MSRA: variants seen among roughly 807,000 people sequenced by gnomAD.
The protein encoded by MSRA is mitochondrial peptide methionine sulfoxide reductase.
MSRA carries 54 observed loss-of-function variants against 31.3 expected under a neutral mutation model. That is an observed-to-expected ratio of 1.73 (90% CI 1.39 to 2.17). The LOEUF (loss-of-function observed/expected upper bound fraction) is 2.17, where lower values mean the gene tolerates loss of function less well. Among genes scored for constraint, MSRA ranks in the 30% most tolerant of loss-of-function variants. The pLI, the probability that MSRA is intolerant of heterozygous loss-of-function variation, is 0.00. For synonymous variants in MSRA, 169 were observed against 116.5 expected (o/e 1.45, Z -2.90); for missense variants, 507 against 300.9 (o/e 1.69, Z -5.07).
intron 4 of MSRA, among the ~76,000 whole-genome samples, chr8:10,306,566 T>C (rs1432114019): frequency 6.6e-6 from 1 of 152,068 alleles, no homozygotes; most frequent in Non-Finnish European, 1.5e-5. Context: ...TCTGGGACCT[T>C]GCTGGTGCTG....
At chr8:10,089,416 G>C (rs1317348598) in intron 1 of MSRA, among the ~76,000 whole-genome samples, 1 of 152,152 alleles carries the variant, frequency 6.6e-6, no homozygotes, top group Non-Finnish European at 1.5e-5. Context: ...AGTAAATCAG[G>C]TAAACAGTAA....
At chr8:10,248,673 A>G (rs960871057) in intron 3 of MSRA, among the ~76,000 whole-genome samples, 3 of 152,208 alleles carry the variant, frequency 2.0e-5, no homozygotes, top group African/African-American at 7.2e-5. Flanking sequence ...AGTGACTCTG[A>G]ACCCCAAATC....
intron 1 of MSRA, among the ~76,000 whole-genome samples, chr8:10,079,858 C>A (rs868491759): frequency 1.3e-5 from 2 of 152,304 alleles, no homozygotes; most frequent in Middle Eastern, 3.4e-3. Context: ...TGCTGTGCAG[C>A]TTTGAGCTAT....
At position 10,171,005 on chromosome 8, in the gene MSRA, C is replaced by A. The variant is rs1478729024; in HGVS notation, c.143-36828C>A. On this transcript the variant is annotated intron_variant, in intron 1 of 5. Coordinates refer to ENST00000317173, the MANE Select transcript of MSRA (RefSeq NM_012331.5). Reference sequence around the variant, plus strand: ...TGGATATCTTCCCCTAGCTCTTGATCCGAGGGGAAAGCAGTCAGTTTTTCA... The same window carrying A: ...TGGATATCTTCCCCTAGCTCTTGATACGAGGGGAAAGCAGTCAGTTTTTCA... 2.6e-5 allele frequency among the ~76,000 whole-genome samples: 4 copies of A among 152,190 alleles called. No individual in the cohort carries two copies. In the East Asian group the frequency reaches 5.8e-4, roughly 22 times the overall value.
chr8:10,355,160 G>A (rs1444985710), intron 5 of MSRA, among the ~76,000 whole-genome samples: 1 of 152,162 alleles, frequency 6.6e-6, no homozygotes, highest in African/African-American at 2.4e-5. Flanking sequence ...ACAACACTAC[G>A]ATGCCCCCAG....
chr8:10,314,541 T>C (rs929912478), intron 4 of MSRA, among the ~76,000 whole-genome samples: 1 of 152,240 alleles, frequency 6.6e-6, no homozygotes, highest in African/African-American at 2.4e-5. Context: ...CAGGAATTCT[T>C]GTGCAGTCAT....
intron 3 of MSRA, among the ~76,000 whole-genome samples, chr8:10,293,806 T>TG (rs1377616274): frequency 1.3e-5 from 2 of 152,164 alleles, no homozygotes; most frequent in African/African-American, 4.8e-5. Flanking sequence ...TCCTGATGAC[T>TG]GGGGCAGCAG....
chr8:10,221,969 G>C (rs548561454), intron 2 of MSRA, among the ~76,000 whole-genome samples: 2 of 152,148 alleles, frequency 1.3e-5, no homozygotes, highest in Non-Finnish European at 2.9e-5. Flanking sequence ...CAGAGACTAC[G>C]AGATCATGAA....
chr8:10,304,958 C>G (rs1801047636), intron 4 of MSRA, among the ~76,000 whole-genome samples: 1 of 152,102 alleles, frequency 6.6e-6, no homozygotes, highest in Non-Finnish European at 1.5e-5. Flanking sequence ...AATTGCTTAT[C>G]AACAAAAAGA....
chr8:10,103,495 G>C (rs749592394), intron 1 of MSRA, among the ~76,000 whole-genome samples: 28 of 152,282 alleles, frequency 1.8e-4, no homozygotes, highest in Admixed American at 5.2e-4. Context: ...TTTCCTATAA[G>C]TGAAGTGGCT....
intron 5 of MSRA, among the ~76,000 whole-genome samples, chr8:10,337,999 G>C (rs1025452207): frequency 6.6e-6 from 1 of 152,066 alleles, no homozygotes; most frequent in African/African-American, 2.4e-5. Context: ...GTTGATAGAA[G>C]ATATGAGAAA....
intron 3 of MSRA, among the ~76,000 whole-genome samples, chr8:10,255,256 G>A (rs1798116429): frequency 6.6e-6 from 1 of 152,206 alleles, no homozygotes; most frequent in Non-Finnish European, 1.5e-5. Flanking sequence ...CACTTTGCAT[G>A]CTCATGGAAA....
intron 3 of MSRA, among the ~76,000 whole-genome samples, chr8:10,258,157 C>G (rs1035397550): frequency 6.6e-6 from 1 of 152,192 alleles, no homozygotes; most frequent in Non-Finnish European, 1.5e-5. Context: ...GATTATCTGA[C>G]TTGTGTAAAC....
chr8:10,384,018 C>G (rs1395383630), intron 5 of MSRA, among the ~76,000 whole-genome samples: 1 of 152,138 alleles, frequency 6.6e-6, no homozygotes, highest in Non-Finnish European at 1.5e-5. Flanking sequence ...GAGAGTCACC[C>G]CGAAATCCGT....
chr8:10,274,909 G>A (rs754258628), intron 3 of MSRA, among the ~76,000 whole-genome samples: 8 of 151,962 alleles, frequency 5.3e-5, no homozygotes, highest in Non-Finnish European at 8.8e-5. Context: ...CCAACCATTC[G>A]TCTATCTTCT....
At chr8:10,223,598 C>A (rs758896205) in intron 2 of MSRA, among the ~76,000 whole-genome samples, 4 of 152,068 alleles carry the variant, frequency 2.6e-5, no homozygotes, top group Non-Finnish European at 5.9e-5. Context: ...ATGAACAGAT[C>A]GTCAGTGATT....
chr8:10,355,947 A>T (rs928439194), intron 5 of MSRA, among the ~76,000 whole-genome samples: 2 of 151,760 alleles, frequency 1.3e-5, no homozygotes, highest in Admixed American at 6.5e-5. Context: ...TAGAGCTAGG[A>T]TTGAGGAAGG....
intron 3 of MSRA, among the ~76,000 whole-genome samples, chr8:10,273,386 CT>C (rs781140731): frequency 8.5e-5 from 13 of 152,130 alleles, no homozygotes; most frequent in Non-Finnish European, 1.5e-4. Context: ...CTTCTACCCC[CT>C]AGTAGTTGTG....
At chr8:10,075,124 A>G (rs980034566) in intron 1 of MSRA, among the ~76,000 whole-genome samples, 2 of 152,186 alleles carry the variant, frequency 1.3e-5, no homozygotes, top group African/African-American at 2.4e-5. Context: ...ATTTAAGTTT[A>G]TAATAGTGAT....
Sources: allele counts gnomAD v4.1 joint callset (sites outside exome capture counted in the v4.1 genomes callset), GRCh38; gene constraint gnomAD v4.1.1; transcripts MANE v1.5; gene names NCBI Gene and HGNC (gene_info 2026-07-23, HGNC 2026-07-21).